FGF14: variants seen among roughly 807,000 people sequenced by gnomAD.
FGF14 encodes the protein fibroblast growth factor homologous factor 4.
A neutral mutation model predicts 25.5 loss-of-function variants in FGF14; 5 were observed. That is an observed-to-expected ratio of 0.20 (90% CI 0.10 to 0.41). The LOEUF (loss-of-function observed/expected upper bound fraction) is 0.41. Ranked by LOEUF, FGF14 falls within the 10% of genes least tolerant of loss-of-function variation. The pLI is 1.00. For synonymous variants in FGF14, 138 were observed against 118.3 expected, an observed-to-expected ratio of 1.17 and a Z score of -1.08; for missense variants, 222 against 320.1, an observed-to-expected ratio of 0.69 and a Z score of 2.34.
chr13:101,880,441 C>T (rs944953391), intron 1 of FGF14, among the ~76,000 whole-genome samples: 2 of 152,120 alleles, frequency 1.3e-5, no homozygotes, highest in Admixed American at 6.6e-5. Context: ...GTGGCACACG[C>T]TTGTAATCCC....
At position 101,860,063 on chromosome 13, in the gene FGF14, G is replaced by A. The variant is rs79975866; in HGVS notation, c.408+8662C>T. 4.3e-3 allele frequency among the ~76,000 whole-genome samples: 657 copies of A among 152,068 alleles called. 4 individuals carry two copies. The highest frequency in any genetic ancestry group is 0.013 in the African/African-American group (542 of 41,476). ...TGTCATGCCCTTCAACTCAGCAGGC[G>A]CCTGCCAGCCCTGTTGTCGATGGTC... On this transcript the variant is annotated intron_variant, in intron 3 of 4. Transcript: ENST00000376143.
intron 1 of FGF14, among the ~76,000 whole-genome samples, chr13:101,930,369 T>C (rs569325481): frequency 1.3e-5 from 2 of 152,212 alleles, no homozygotes; most frequent in East Asian, 1.9e-4. Context: ...GCTCTCTTTA[T>C]GGTCATACCT....
chr13:102,334,054 C>T (rs530163683), intron 1 of FGF14, among the ~76,000 whole-genome samples: 151 of 152,258 alleles, frequency 9.9e-4, no homozygotes, highest in Middle Eastern at 3.4e-3. Flanking sequence ...GTCCCAGTCT[C>T]TCCAAACATG....
intron 1 of FGF14, among the ~76,000 whole-genome samples, chr13:102,259,798 C>T (rs1379230512): frequency 6.6e-6 from 1 of 152,210 alleles, no homozygotes; most frequent in East Asian, 1.9e-4. Flanking sequence ...CATAGCTAGT[C>T]TGTGATAGAG....
intron 1 of FGF14, among the ~76,000 whole-genome samples, chr13:102,103,648 TCTC>T (rs1453431606): frequency 2.0e-5 from 3 of 152,072 alleles, no homozygotes; most frequent in Admixed American, 2.0e-4. Context: ...CCCAACAAGA[TCTC>T]CTCAATAATA....
intron 1 of FGF14, among the ~76,000 whole-genome samples, chr13:102,385,445 C>A (rs2058280209): frequency 6.6e-6 from 1 of 152,108 alleles, no homozygotes; most frequent in African/African-American, 2.4e-5. Flanking sequence ...ACTAGTAAAC[C>A]TGATACAGGA....
chr13:102,297,082 G>A (rs2054751703), intron 1 of FGF14, among the ~76,000 whole-genome samples: 1 of 152,102 alleles, frequency 6.6e-6, no homozygotes, highest in Non-Finnish European at 1.5e-5. Context: ...CAACATCAAT[G>A]GTGATAAGTC....
chr13:102,372,340 A>G (rs909845072), intron 1 of FGF14, among the ~76,000 whole-genome samples: 2 of 152,198 alleles, frequency 1.3e-5, no homozygotes, highest in Non-Finnish European at 2.9e-5. Context: ...AGTCCCTTGC[A>G]ACATCTGAGG....
At chr13:102,212,714 T>C (rs2050212357) in intron 1 of FGF14, among the ~76,000 whole-genome samples, 1 of 152,204 alleles carries the variant, frequency 6.6e-6, no homozygotes, top group South Asian at 2.1e-4. Context: ...AGTCTGACAA[T>C]TGAGGAGGGC....
chr13:101,784,259 T>C (rs1398307220), intron 3 of FGF14, among the ~76,000 whole-genome samples: 1 of 152,228 alleles, frequency 6.6e-6, no homozygotes, highest in Non-Finnish European at 1.5e-5. Context: ...GTGGTCCCAA[T>C]AGACCTTCTG....
At chr13:101,934,200 C>T (rs560020334) in intron 1 of FGF14, among the ~76,000 whole-genome samples, 1 of 152,254 alleles carries the variant, frequency 6.6e-6, no homozygotes, top group East Asian at 1.9e-4. Context: ...TTCTTCAAAG[C>T]ACAACAGAAA....
chr13:102,200,719 T>C (rs1201122434), intron 1 of FGF14, among the ~76,000 whole-genome samples: 1 of 151,966 alleles, frequency 6.6e-6, no homozygotes, highest in East Asian at 1.9e-4. Flanking sequence ...TTACTATTTG[T>C]GGGCAGCACC....
intron 1 of FGF14, among the ~76,000 whole-genome samples, chr13:102,055,527 C>G (rs1365914086): frequency 6.6e-6 from 1 of 152,218 alleles, no homozygotes; most frequent in African/African-American, 2.4e-5. Context: ...AAAATCTAAA[C>G]TCTTTACCCT....
At chr13:102,128,492 G>A (rs1048705701) in intron 1 of FGF14, among the ~76,000 whole-genome samples, 2 of 152,162 alleles carry the variant, frequency 1.3e-5, no homozygotes, top group Admixed American at 1.3e-4. Flanking sequence ...TCTATTGAAA[G>A]GAAGTTTAAA....
intron 1 of FGF14, among the ~76,000 whole-genome samples, chr13:102,117,200 A>T (rs886588074): frequency 3.3e-5 from 5 of 152,280 alleles, no homozygotes; most frequent in African/African-American, 2.4e-5. Context: ...CAGTCTTTGC[A>T]GGGACTATTC....
At chr13:101,764,773 G>A (rs7338468) in intron 3 of FGF14, among the ~76,000 whole-genome samples, 65,161 of 151,996 alleles carry the variant, frequency 0.43, 15,114 homozygotes, top group Non-Finnish European at 0.52. Flanking sequence ...TAAGGAAGCC[G>A]GAAAATTTTC....
intron 3 of FGF14, among the ~76,000 whole-genome samples, chr13:101,856,871 G>T (rs920979276): frequency 3.3e-5 from 5 of 152,016 alleles, no homozygotes; most frequent in East Asian, 1.9e-4. Flanking sequence ...ACACAGTATT[G>T]CCCACCATAG....
At chr13:102,330,005 C>A (rs1056088153) in intron 1 of FGF14, among the ~76,000 whole-genome samples, 3 of 152,134 alleles carry the variant, frequency 2.0e-5, no homozygotes, top group Non-Finnish European at 2.9e-5. Context: ...AAAGTTAAAC[C>A]CGCAATCGTG....
At chr13:101,976,603 C>G (rs906869913) in intron 1 of FGF14, among the ~76,000 whole-genome samples, 1 of 152,210 alleles carries the variant, frequency 6.6e-6, no homozygotes, top group African/African-American at 2.4e-5. Flanking sequence ...TCCTTCCCCA[C>G]TCTAGTAGTC....
Sources: gnomAD v4.1 joint callset for allele counts (sites outside exome capture counted in the v4.1 genomes callset) on GRCh38, gnomAD v4.1.1 for gene constraint, MANE v1.5 for transcripts, NCBI Gene and HGNC (gene_info 2026-07-23, HGNC 2026-07-21) for gene names.